The following NRG1 variants were observed in gnomAD, a reference collection of about 807,000 sequenced individuals.
NRG1 encodes neuregulin 1.
Under a neutral mutation model 63.8 loss-of-function variants are expected in NRG1, and 18 were observed. That is an observed-to-expected ratio of 0.28 (90% CI 0.19 to 0.42). NRG1 has a LOEUF of 0.42. Among genes scored for constraint, NRG1 ranks in the 10% least tolerant of loss-of-function variants. NRG1 has a pLI of 1.00. For synonymous variants in NRG1, 302 were observed against 301.3 expected, an observed-to-expected ratio of 1.00 and a Z score of -0.02; for missense variants, 762 against 814.7, an observed-to-expected ratio of 0.94 and a Z score of 0.79.
At chr8:32,093,778 A>G (rs1829520834) in intron 1 of NRG1, among the ~76,000 whole-genome samples, 1 of 152,234 alleles carries the variant, frequency 6.6e-6, no homozygotes, top group Admixed American at 6.5e-5. Flanking sequence ...GTACAAGGGC[A>G]TAAAGTTGAC....
chr8:32,740,780 T>C (rs777624098), intron 6 of NRG1, among the ~76,000 whole-genome samples: 2 of 152,172 alleles, frequency 1.3e-5, no homozygotes, highest in Admixed American at 1.3e-4. Context: ...GAAATGAAAT[T>C]ACCCCTATAT....
intron 1 of NRG1, among the ~76,000 whole-genome samples, chr8:32,366,997 C>T (rs1220925425): frequency 6.6e-6 from 1 of 151,954 alleles, no homozygotes; most frequent in Non-Finnish European, 1.5e-5. Context: ...CAGGTGTGAG[C>T]CACCGCATCT....
chr8:32,257,405 T>G (rs1385940748), intron 1 of NRG1, among the ~76,000 whole-genome samples: 1 of 152,222 alleles, frequency 6.6e-6, no homozygotes, highest in Non-Finnish European at 1.5e-5. Flanking sequence ...CATATTTCTT[T>G]TATTGGAAAA....
chr8:31,945,112 T>C, intron 1 of NRG1, among the ~76,000 whole-genome samples: 1 of 152,172 alleles, frequency 6.6e-6, no homozygotes, highest in Non-Finnish European at 1.5e-5. Context: ...GAGTAAATGC[T>C]CTTTATCATT....
chr8:31,790,734 A>G (rs1820616852), intron 1 of NRG1, among the ~76,000 whole-genome samples: 1 of 152,112 alleles, frequency 6.6e-6, no homozygotes, highest in Admixed American at 6.6e-5. Flanking sequence ...AAAGTTGCAA[A>G]TATCTAGGGC....
intron 1 of NRG1, among the ~76,000 whole-genome samples, chr8:31,994,648 T>C: frequency 2.1e-5 from 1 of 46,962 alleles, no homozygotes; most frequent in Non-Finnish European, 4.2e-5. Context: ...AGCAATACTC[T>C]GTCTCAAAAA....
chr8:31,887,247 G>GT (rs1830788705), intron 1 of NRG1, among the ~76,000 whole-genome samples: 1 of 152,014 alleles, frequency 6.6e-6, no homozygotes, highest in African/African-American at 2.4e-5. Flanking sequence ...AGATAGAATA[G>GT]TAACGACAAA....
intron 1 of NRG1, among the ~76,000 whole-genome samples, chr8:32,342,473 C>T (rs1804196944): frequency 6.6e-6 from 1 of 152,088 alleles, no homozygotes. Context: ...TGTTGTTATC[C>T]ATCTTAAGGA....
intron 1 of NRG1, among the ~76,000 whole-genome samples, chr8:32,577,613 A>T (rs1201860789): frequency 1.3e-5 from 2 of 152,212 alleles, no homozygotes; most frequent in Non-Finnish European, 2.9e-5. Flanking sequence ...AATAACAATG[A>T]ACCTAATAAA....
chr8:32,306,267 C>T (rs886674903), intron 1 of NRG1, among the ~76,000 whole-genome samples: 5 of 152,168 alleles, frequency 3.3e-5, no homozygotes, highest in Non-Finnish European at 7.4e-5. Context: ...GTGCATTTAA[C>T]GGGCAAAAGA....
At chr8:32,365,801 T>C (rs1487312431) in intron 1 of NRG1, among the ~76,000 whole-genome samples, 1 of 152,186 alleles carries the variant, frequency 6.6e-6, no homozygotes, top group East Asian at 1.9e-4. Context: ...TGTAGTTTGC[T>C]CACCCTTGGT....
At chr8:32,054,651 T>G (rs1822548054) in intron 1 of NRG1, among the ~76,000 whole-genome samples, 1 of 151,990 alleles carries the variant, frequency 6.6e-6, no homozygotes, top group Non-Finnish European at 1.5e-5. Context: ...GGGCTATTGC[T>G]GTTTTATAGA....
chr8:32,505,942 T>C (rs1828467714), intron 1 of NRG1, among the ~76,000 whole-genome samples: 3 of 152,078 alleles, frequency 2.0e-5, no homozygotes, highest in Admixed American at 2.0e-4. Context: ...CACCTGTGCT[T>C]CCCAGTGGGC....
chr8:32,743,580 A>ATATATATATATATATATG (rs1222808645), intron 7 of NRG1, among the ~76,000 whole-genome samples: 1 of 144,466 alleles, frequency 6.9e-6, no homozygotes, highest in Non-Finnish European at 1.5e-5. Context: ...AAACATATAT[A>ATATATATATATATATATG]TATATATATA....
At chr8:31,698,293 GAC>G (rs1465136639) in intron 1 of NRG1, among the ~76,000 whole-genome samples, 2 of 152,172 alleles carry the variant, frequency 1.3e-5, no homozygotes, top group Non-Finnish European at 2.9e-5. Flanking sequence ...AGCTCGAGCT[GAC>G]ACACACAGTT....
intron 1 of NRG1, among the ~76,000 whole-genome samples, chr8:31,941,487 C>A (rs1157221470): frequency 1.3e-5 from 2 of 152,042 alleles, no homozygotes; most frequent in Non-Finnish European, 2.9e-5. Context: ...AGAACTGGAA[C>A]AAGGATGCCC....
intron 1 of NRG1, among the ~76,000 whole-genome samples, chr8:31,984,969 A>G (rs964880987): frequency 1.3e-5 from 2 of 152,226 alleles, no homozygotes; most frequent in Admixed American, 1.3e-4. Flanking sequence ...CTTCTTCTCT[A>G]AGACTGCACA....
At chr8:32,759,092 T>C (rs1042086191) in intron 9 of NRG1, among the ~76,000 whole-genome samples, 1 of 152,158 alleles carries the variant, frequency 6.6e-6, no homozygotes, top group Admixed American at 6.6e-5. Context: ...TATTTTTTTT[T>C]TTAACTCTAT....
chr8:32,189,093 G>A (rs553415558), intron 1 of NRG1, among the ~76,000 whole-genome samples: 1 of 152,210 alleles, frequency 6.6e-6, no homozygotes, highest in African/African-American at 2.4e-5. Context: ...CTGTAGAACT[G>A]TAAGATAACC....
Sources: allele counts gnomAD v4.1 joint callset (sites outside exome capture counted in the v4.1 genomes callset), GRCh38; gene constraint gnomAD v4.1.1; transcripts MANE v1.5; gene names NCBI Gene and HGNC (gene_info 2026-07-23, HGNC 2026-07-21).